SLC22A5: variants seen among roughly 807,000 people sequenced by gnomAD.
SLC22A5 encodes solute carrier family 22 member 5, also known as organic cation/carnitine transporter 2.
A neutral mutation model predicts 56.7 loss-of-function variants in SLC22A5; 44 were observed. The observed-to-expected ratio is 0.78, with a 90% CI of 0.61 to 1.00. The LOEUF (loss-of-function observed/expected upper bound fraction) is 1.00, where lower values mean the gene tolerates loss of function less well. Among genes scored for constraint, SLC22A5 ranks in the 50% least tolerant of loss-of-function variants. SLC22A5 has a pLI of 0.00. For missense variants in SLC22A5, 675 were observed against 723.0 expected, an observed-to-expected ratio of 0.93 and a Z score of 0.76; for synonymous variants, 278 against 292.1, an observed-to-expected ratio of 0.95 and a Z score of 0.49.
rs377767450 is a variant in SLC22A5 at position 132,370,259 on chromosome 5, G to C, written c.287G>C (p.Gly96Ala). 1.9e-4 allele frequency: 307 copies of C among 1,587,786 alleles called. No homozygotes were observed. Among genetic ancestry groups the C allele is most frequent in the Non-Finnish European group, 9.4e-5 (110 of 1,168,248 alleles). ...LATIANFSALGLEPGRDVDLG... is the reference protein window; with the variant it reads ...LATIANFSALALEPGRDVDLG... ...ACCATCGCCAACTTCTCGGCGCTTG[G>C]GCTGGAGCCGGGGCGCGACGTGGAC... Residue 96 changes from glycine (G) to alanine (A), a missense_variant, in exon 1 of 10, where the codon GGG becomes GCG. Coordinates refer to ENST00000245407, the MANE Select transcript of SLC22A5 (RefSeq NM_003060.4).
At chr5:132,377,232 A>G (rs1752176829) in intron 1 of SLC22A5, 1 of 152,274 alleles carries the variant, frequency 6.6e-6, no homozygotes, top group African/African-American at 2.4e-5. Flanking sequence ...CAGTGCGGAG[A>G]AGCAGGCTTG....
At position 132,374,174 on chromosome 5, in the gene SLC22A5, G is replaced by A. The variant is rs150974037; in HGVS notation, c.393+3809G>A. On this transcript the variant is annotated intron_variant, in intron 1 of 9. Transcript: ENST00000245407. The stretch of plus-strand genomic sequence containing the variant: ...AGTGGGGGTTGCAGTAGCCAAGATC[G>A]CACCATTGCATGCCAGCCTGGGTGA... 7.3e-5 allele frequency among the ~76,000 whole-genome samples: 11 copies of A among 151,572 alleles called. No homozygotes were observed. The East Asian group carries it at 1.6e-3, about 21-fold the overall frequency.
At chr5:132,392,724 C>T in intron 8 of SLC22A5, 109 bp downstream of exon 8, 2 of 905,832 alleles carry the variant, frequency 2.2e-6, no homozygotes, top group East Asian at 5.1e-5. Context: ...TCATACAGTA[C>T]ATGGGCTCCA....
At chr5:132,370,953 C>CTTTTTTTTTTTTTTTTTTTTTTTTTT (rs750736082) in intron 1 of SLC22A5, among the ~76,000 whole-genome samples, 9 of 133,800 alleles carry the variant, frequency 6.7e-5, no homozygotes, top group African/African-American at 2.4e-4. Flanking sequence ...AGTTGTCAGT[C>CTTTTTTTTTTTTTTTTTTTTTTTTTT]TTTTTTTTTT....
intron 2 of SLC22A5, chr5:132,380,875 A>G (rs1298641581): frequency 6.7e-6 from 1 of 150,006 alleles, no homozygotes; most frequent in Non-Finnish European, 1.5e-5. Flanking sequence ...AGGATTTGTC[A>G]GCATATAGAA....
rs749164050 is a variant in SLC22A5, at chr5:132,385,547, G to A, written c.824+48G>A. The A allele has an allele frequency of 2.6e-6, 4 of 1,554,292 alleles. No individual in the cohort carries two copies. In the East Asian group the frequency reaches 6.7e-5, roughly 26 times the overall value. On this transcript the variant is annotated intron_variant, in intron 4 of 9. Coordinates refer to ENST00000245407, the MANE Select transcript of SLC22A5 (RefSeq NM_003060.4). ...TGTGCCCACTGGCAGGATGATTTCT[G>A]TCTGGCCTTCACTAGAGGGCAGCAA...
intron 2 of SLC22A5, 100 bp from the exon 3 acceptor site, chr5:132,384,047 A>G: frequency 8.4e-7 from 1 of 1,185,088 alleles, no homozygotes. Flanking sequence ...CACTGTTCAC[A>G]CCCACTTACT....
chr5:132,385,580 T>A (rs1044335188), intron 4 of SLC22A5, 81 bp downstream of exon 4: 1 of 1,123,316 alleles, frequency 8.9e-7, no homozygotes, highest in Admixed American at 1.7e-5. Context: ...CAACAACCCA[T>A]GAATCCCTAT....
In SLC22A5 at chr5:132,384,146, G is replaced by C. The variant is rs747592919; in HGVS notation, c.498-1G>C. The stretch of plus-strand genomic sequence containing the variant: ...ATCTGTCACTCTCCTTTTCTTCCCA[G>C]GTTTGGCCGGAAGAATGTGCTGTTC... On this transcript the variant is annotated splice_acceptor_variant, in intron 2 of 9. Transcript: ENST00000245407. LOFTEE classifies it high-confidence loss of function. The C allele has an allele frequency of 6.2e-7, 1 of 1,614,060 alleles. No homozygotes were observed. Among genetic ancestry groups the C allele is most frequent in the African/African-American group, 1.3e-5 (1 of 74,934 alleles).
intron 1 of SLC22A5, among the ~76,000 whole-genome samples, chr5:132,374,703 C>T (rs1268626550): frequency 6.6e-6 from 1 of 151,912 alleles, no homozygotes; most frequent in Non-Finnish European, 1.5e-5. Context: ...TAGCTGACAC[C>T]TGTAATCCTG....
intron 3 of SLC22A5, 114 bp from the exon 4 acceptor site, chr5:132,385,214 T>G: frequency 1.0e-6 from 1 of 983,614 alleles, no homozygotes; most frequent in Non-Finnish European, 1.6e-6. Context: ...CGCCATGAAC[T>G]TAGAGAGAGT....
At position 132,369,842 on chromosome 5, in the gene SLC22A5, ACCCTCCGCGGACGGTCTTGGGTCGCCTG is replaced by A. The variant is rs1279199437; in HGVS notation, c.-129_-102del. 2 of 1,202,390 alleles carry A rather than the reference ACCCTCCGCGGACGGTCTTGGGTCGCCTG, an allele frequency of 1.7e-6. No homozygotes were observed. Among genetic ancestry groups the A allele is most frequent in the African/African-American group, 3.2e-5 (2 of 63,056 alleles). The allele number at this position is 1,202,390 out of a possible 1,614,324, so 74.5% of individuals were successfully genotyped here. A position where few individuals can be genotyped will look rare whatever the true frequency, so the allele number is the denominator to read the frequency against. On this transcript the variant is annotated 5_prime_UTR_variant, in exon 1 of 10. Transcript: ENST00000245407. ...GGCGGCGGTGTCAGCTCGCGAGCCT[ACCCTCCGCGGACGGTCTTGGGTCGCCTG>A]CTGCCTGGCTTGCCTGGTCGGCGGC...
At position 132,393,110 on chromosome 5, in the gene SLC22A5, T is replaced by C. The variant is rs151074533; in HGVS notation, c.1450+495T>C. The stretch of plus-strand genomic sequence containing the variant: ...ATTTTATGTAGCAGGTCTCCAGTTT[T>C]CTCTTCTCAGAATTATGTCTTCATA... On this transcript the variant is annotated intron_variant, in intron 8 of 9. Coordinates refer to ENST00000245407, the MANE Select transcript of SLC22A5 (RefSeq NM_003060.4). 2.1e-4 allele frequency among the ~76,000 whole-genome samples: 31 copies of C among 150,924 alleles called. 1 individual carries two copies. The East Asian group carries it at 6.1e-3, about 30-fold the overall frequency.
At chr5:132,373,074 T>G (rs1014156008) in intron 1 of SLC22A5, among the ~76,000 whole-genome samples, 1 of 152,232 alleles carries the variant, frequency 6.6e-6, no homozygotes, top group Admixed American at 6.5e-5. Flanking sequence ...CTTCCTCAAT[T>G]TCTGACACAA....
In SLC22A5 at chr5:132,394,361, A is replaced by AAACAGC; in HGVS notation, c.*91_*92insCAGCAA. 1 of 36,682 alleles carries AAACAGC rather than the reference A, an allele frequency of 2.7e-5. No individual in the cohort carries two copies. The highest frequency in any genetic ancestry group is 6.5e-5 in the Non-Finnish European group (1 of 15,360). 2.3% of individuals were successfully genotyped at this position (36,682 alleles called of 1,614,324 possible). A position where few individuals can be genotyped will look rare whatever the true frequency, so the allele number is the denominator to read the frequency against. On this transcript the variant is annotated 3_prime_UTR_variant, in exon 10 of 10. Transcript: ENST00000245407. ...TGCAGACTCCGAGTCCTTCAGTGAC[A>AAACAGC]AAAGGCCTTTGCTGTTTGTCCTCTT...
In SLC22A5 at chr5:132,390,731, C is replaced by A. The variant is rs761648900; in HGVS notation, c.1094C>A (p.Thr365Asn). The change falls in exon 7 of 10, where the codon ACT (threonine) becomes AAT (asparagine). Residue 365 changes from threonine to asparagine, a missense_variant. Physicochemically the swap from Thr to Asn is moderately conservative, Grantham distance 65. Transcript: ENST00000245407. Reference sequence around the variant, plus strand: ...GGCTATTTTGGGCTTTCGCTTGATACTCCTAACTTGCATGGGGACATCTTT... The same window carrying A: ...GGCTATTTTGGGCTTTCGCTTGATAATCCTAACTTGCATGGGGACATCTTT... ...SVGYFGLSLDTPNLHGDIFVN... is the reference protein window; with the variant it reads ...SVGYFGLSLDNPNLHGDIFVN... The A allele has an allele frequency of 6.2e-7, 1 of 1,614,246 alleles. No homozygotes were observed. Among genetic ancestry groups the A allele is most frequent in the South Asian group, 1.1e-5 (1 of 91,092 alleles).
chr5:132,385,191 A>G, intron 3 of SLC22A5, 137 bp from the exon 4 acceptor site: 1 of 825,282 alleles, frequency 1.2e-6, no homozygotes, highest in Non-Finnish European at 2.1e-6. Flanking sequence ...TCAGAACGCC[A>G]TCCGCTCCCT....
chr5:132,391,008 T>A (rs771912752), intron 7 of SLC22A5, 104 bp downstream of exon 7: 7 of 917,766 alleles, frequency 7.6e-6, no homozygotes, highest in Non-Finnish European at 1.2e-5. Context: ...CCATCACAGC[T>A]CCCTTGCTTA....
At chr5:132,384,049 C>T in intron 2 of SLC22A5, 98 bp from the exon 3 acceptor site, 1 of 1,204,406 alleles carries the variant, frequency 8.3e-7, no homozygotes, top group South Asian at 1.2e-5. Flanking sequence ...CTGTTCACAC[C>T]CACTTACTGG....
Sources: allele counts gnomAD v4.1 joint callset (sites outside exome capture counted in the v4.1 genomes callset), GRCh38; gene constraint gnomAD v4.1.1; transcripts MANE v1.5; gene names NCBI Gene and HGNC (gene_info 2026-07-23, HGNC 2026-07-21).